Variants in PYGB observed in about 807,000 individuals in gnomAD.
The protein encoded by PYGB is glycogen phosphorylase, brain form.
In PYGB, 82 loss-of-function variants were observed where a neutral mutation model predicts 94.3. The ratio of observed to expected loss-of-function variants is 0.87; its 90% confidence interval spans 0.73 to 1.04. The LOEUF (loss-of-function observed/expected upper bound fraction) is 1.04. Among genes scored for constraint, PYGB ranks in the 50% least tolerant of loss-of-function variants. The probability of loss-of-function intolerance (pLI) is 0.00; values close to 1 mark genes in which losing one functional copy is unlikely to be tolerated. For missense variants in PYGB, 1,132 were observed against 1,158.2 expected, an observed-to-expected ratio of 0.98 and a Z score of 0.33; for synonymous variants, 488 against 479.1, an observed-to-expected ratio of 1.02 and a Z score of -0.24.
chr20:25,281,336 C>T (rs548892579), intron 11 of PYGB, among the ~76,000 whole-genome samples: 2 of 152,364 alleles, frequency 1.3e-5, no homozygotes, highest in South Asian at 2.1e-4. Context: ...GGCTCTGGCT[C>T]TGCGGGCAAC....
At chr20:25,281,520 G>A (rs2123574804) in intron 11 of PYGB, among the ~76,000 whole-genome samples, 1 of 152,324 alleles carries the variant, frequency 6.6e-6, no homozygotes, top group Middle Eastern at 3.4e-3. Context: ...CGTGATCTAG[G>A]AATTACTCCC....
At chr20:25,255,539 ACT>A (rs778354020) in intron 1 of PYGB, among the ~76,000 whole-genome samples, 2 of 152,124 alleles carry the variant, frequency 1.3e-5, no homozygotes, top group Non-Finnish European at 2.9e-5. Context: ...AGGGAGGGAC[ACT>A]CTGCCCTGTG....
chr20:25,276,302 G>A (rs2088310174), intron 5 of PYGB, among the ~76,000 whole-genome samples: 1 of 152,172 alleles, frequency 6.6e-6, no homozygotes, highest in Non-Finnish European at 1.5e-5. Context: ...AGGGTAAGGA[G>A]GGAGGTGGGG....
In PYGB at chr20:25,271,377, T is replaced by C. The variant is rs2088265843; in HGVS notation, c.425-6T>C. 1 of 1,613,698 alleles carries C rather than the reference T, an allele frequency of 6.2e-7. No individual in the cohort carries two copies. The highest frequency in any genetic ancestry group is 1.3e-5 in the African/African-American group (1 of 74,926). ...ATTCTGACTGATTTGTGATTGATTT[T>C]TTCAGCGTGTTTCCTTGACTCAATG... On this transcript the variant is annotated splice_polypyrimidine_tract_variant and splice_region_variant and intron_variant, in intron 3 of 19. Coordinates refer to ENST00000216962, the MANE Select transcript of PYGB (RefSeq NM_002862.4).
At chr20:25,248,806 T>A (rs1482959619) in intron 1 of PYGB, among the ~76,000 whole-genome samples, 6 of 152,216 alleles carry the variant, frequency 3.9e-5, no homozygotes, top group African/African-American at 1.4e-4. Context: ...TGCAGCAGCC[T>A]GTGGGAGAAA....
In PYGB at chr20:25,276,752, A is replaced by C. The variant is rs1208336244; in HGVS notation, c.767A>C (p.Gln256Pro). 1.2e-6 allele frequency: 2 copies of C among 1,613,506 alleles called. No individual in the cohort carries two copies. Among genetic ancestry groups the C allele is most frequent in the East Asian group, 4.5e-5 (2 of 44,876 alleles). The part of the protein sequence containing the change: ...SAKAPNDFKL[Q>P]DFNVGDYIEA... ...AAGGCTCCCAACGACTTCAAGCTGC[A>C]GGACTGTACGTTCCGTGGTTCTTGG... is the stretch of plus-strand genomic sequence containing the variant. The change falls in exon 6 of 20, where the codon CAG (glutamine) becomes CCG (proline). Residue 256 changes from glutamine to proline, a missense_variant. Gln to Pro is a moderately conservative substitution (Grantham distance 76, BLOSUM62 -1). Transcript: ENST00000216962.
At chr20:25,290,361 C>A in intron 15 of PYGB, 120 bp from the exon 16 acceptor site, 2 of 1,330,060 alleles carry the variant, frequency 1.5e-6, no homozygotes, top group Admixed American at 1.9e-5. Flanking sequence ...TACTGACCGT[C>A]CCGACGGCAG....
chr20:25,280,303 A>G lies in PYGB; in HGVS notation c.1130A>G (p.Asn377Ser), dbSNP rs199708204. 3 of 1,614,018 alleles carry G rather than the reference A, an allele frequency of 1.9e-6. No homozygotes were observed. Among genetic ancestry groups the G allele is most frequent in the East Asian group, 4.5e-5 (2 of 44,898 alleles). Residue 377 changes from asparagine to serine, a missense_variant, in exon 10 of 20, where the codon AAC (asparagine) becomes AGC (serine). Transcript: ENST00000216962. The part of the protein sequence containing the change: ...EITKKTCAYT[N>S]HTVLPEALER... ...ACGAAGAAGACCTGTGCATACACCA[A>G]CCACACTGTGCTGCCTGAGGCCTTG...
intron 2 of PYGB, among the ~76,000 whole-genome samples, chr20:25,265,592 A>AT (rs34336965): frequency 0.045 from 5,413 of 119,638 alleles, 398 homozygotes; most frequent in African/African-American, 0.16. Flanking sequence ...TTGTTGTTGA[A>AT]TTTTTTTTTT....
chr20:25,256,089 A>T (rs976099024), intron 1 of PYGB, among the ~76,000 whole-genome samples: 37 of 152,152 alleles, frequency 2.4e-4, no homozygotes, highest in Non-Finnish European at 2.9e-4. Context: ...TTTCCACCAG[A>T]GTATTAAGAC....
Position 25,248,101 on chromosome 20 carries a change from A to G in PYGB, c.-78A>G. Reference sequence around the variant, plus strand: ...CCGGGCGCCAGAGCAGCGGCGCCAGAGCAGCTGCACCATCCCGGCGTTCGC... The same window carrying G: ...CCGGGCGCCAGAGCAGCGGCGCCAGGGCAGCTGCACCATCCCGGCGTTCGC... On this transcript the variant is annotated 5_prime_UTR_variant, in exon 1 of 20. Transcript: ENST00000216962. 3 of 1,374,860 alleles carry G rather than the reference A, an allele frequency of 2.2e-6. No individual in the cohort carries two copies. The highest frequency in any genetic ancestry group is 2.9e-5 in the South Asian group (2 of 68,404). 85.2% of individuals were successfully genotyped at this position (1,374,860 alleles called of 1,614,324 possible).
intron 17 of PYGB, 148 bp from the exon 18 acceptor site, chr20:25,294,010 G>A: frequency 9.4e-7 from 1 of 1,065,780 alleles, no homozygotes; most frequent in Non-Finnish European, 1.3e-6. Context: ...AACCACCCAT[G>A]GCCACTGGCT....
chr20:25,255,860 A>AGGC (rs1258294515), intron 1 of PYGB, among the ~76,000 whole-genome samples: 2 of 151,812 alleles, frequency 1.3e-5, no homozygotes, highest in Admixed American at 1.3e-4. Context: ...CAGCCTTCCG[A>AGGC]ATAGGTGGGA....
intron 14 of PYGB, among the ~76,000 whole-genome samples, chr20:25,287,063 C>T (rs2088424562): frequency 1.3e-5 from 2 of 152,226 alleles, no homozygotes; most frequent in African/African-American, 4.8e-5. Flanking sequence ...CGCTGGTGAA[C>T]GCCTGTCCAG....
At chr20:25,282,867 G>C (rs2088381275) in intron 12 of PYGB, among the ~76,000 whole-genome samples, 1 of 152,194 alleles carries the variant, frequency 6.6e-6, no homozygotes, top group Non-Finnish European at 1.5e-5. Flanking sequence ...GATGGCTTTG[G>C]GTTTTGGGTG....
intron 3 of PYGB, among the ~76,000 whole-genome samples, chr20:25,270,715 A>C (rs978990287): frequency 1.3e-5 from 2 of 152,104 alleles, no homozygotes; most frequent in Admixed American, 1.3e-4. Context: ...GGCTGGTCTC[A>C]AACTCCTGGA....
chr20:25,280,377 G>GA lies in PYGB; in HGVS notation c.1205dup (p.Ile403AspfsTer68). 6.2e-7 allele frequency: 1 copy of GA among 1,614,214 alleles called. No individual in the cohort carries two copies. The highest frequency in any genetic ancestry group is 8.5e-7 in the Non-Finnish European group (1 of 1,180,028). On this transcript the variant is annotated frameshift_variant, in exon 10 of 20. Transcript: ENST00000216962. LOFTEE classifies it high-confidence loss of function. Reference sequence around the variant, plus strand: ...TGAGAAGCTGCTGCCGCGGCACCTGGAGATAATCTATGCCATCAACCAGCG... The same window carrying GA: ...TGAGAAGCTGCTGCCGCGGCACCTGGAAGATAATCTATGCCATCAACCAGCG...
At chr20:25,265,606 T>G (rs1033381414) in intron 2 of PYGB, among the ~76,000 whole-genome samples, 2 of 150,902 alleles carry the variant, frequency 1.3e-5, no homozygotes, top group Admixed American at 1.3e-4. Context: ...TTTTTTTTTT[T>G]TTTTTTGAAA....
Position 25,248,131 on chromosome 20 carries a change from G to T in PYGB, c.-48G>T. ...CTGCACCATCCCGGCGTTCGCGTGT[G>T]CCGCCGCTTTCCTCCTCCATCTCTT... On this transcript the variant is annotated 5_prime_UTR_variant, in exon 1 of 20. Coordinates refer to ENST00000216962, the MANE Select transcript of PYGB (RefSeq NM_002862.4). The T allele has an allele frequency of 6.6e-7, 1 of 1,514,294 alleles. No individual in the cohort carries two copies. Among genetic ancestry groups the T allele is most frequent in the Non-Finnish European group, 8.8e-7 (1 of 1,134,104 alleles). The allele number at this position is 1,514,294 out of a possible 1,614,324, so 93.8% of individuals were successfully genotyped here. A position where few individuals can be genotyped will look rare whatever the true frequency, so the allele number is the denominator to read the frequency against.
Sources: allele counts gnomAD v4.1 joint callset (sites outside exome capture counted in the v4.1 genomes callset), GRCh38; gene constraint gnomAD v4.1.1; transcripts MANE v1.5; gene names NCBI Gene and HGNC (gene_info 2026-07-23, HGNC 2026-07-21).